Variants in DPP10 observed in about 807,000 individuals in gnomAD.
The protein encoded by DPP10 is inactive dipeptidyl peptidase 10.
Under a neutral mutation model 120.9 loss-of-function variants are expected in DPP10, and 33 were observed. The observed-to-expected ratio is 0.27, with a 90% CI of 0.21 to 0.37. The LOEUF is 0.37. Among genes scored for constraint, DPP10 ranks in the 10% least tolerant of loss-of-function variants. The pLI is 1.00. For missense variants in DPP10, 816 were observed against 942.8 expected (o/e 0.87, Z 1.76); for synonymous variants, 337 against 326.1 (o/e 1.03, Z -0.36).
intron 3 of DPP10, among the ~76,000 whole-genome samples, chr2:115,395,838 A>G (rs1160642146): frequency 6.6e-6 from 1 of 152,006 alleles, no homozygotes; most frequent in Non-Finnish European, 1.5e-5. Flanking sequence ...AATGGGAATG[A>G]CACATTATAT....
At chr2:115,792,518 G>A (rs1433454958) in intron 19 of DPP10, among the ~76,000 whole-genome samples, 1 of 151,826 alleles carries the variant, frequency 6.6e-6, no homozygotes, top group Non-Finnish European at 1.5e-5. Context: ...GCTTTATATA[G>A]TTTCTCATAT....
chr2:115,015,705 AT>A (rs1702584767), intron 1 of DPP10, among the ~76,000 whole-genome samples: 1 of 152,164 alleles, frequency 6.6e-6, no homozygotes, highest in South Asian at 2.1e-4. Flanking sequence ...TACACCAATA[AT>A]AGACATACAG....
chr2:115,107,422 CTTTTTTTTTTTTTTTT>C (rs59046305), intron 1 of DPP10, among the ~76,000 whole-genome samples: 3 of 59,852 alleles, frequency 5.0e-5, no homozygotes, highest in Admixed American at 2.8e-4. Flanking sequence ...TTGGTTATAG[CTTTTTTTTTTTTTTTT>C]TTTTTTTTTT....
intron 1 of DPP10, among the ~76,000 whole-genome samples, chr2:114,537,250 T>C (rs1686580697): frequency 6.6e-6 from 1 of 152,170 alleles, no homozygotes. Flanking sequence ...CCGTGAGATC[T>C]GAAGGATAGG....
chr2:114,625,513 A>T (rs1188288842), intron 1 of DPP10, among the ~76,000 whole-genome samples: 1 of 151,990 alleles, frequency 6.6e-6, no homozygotes, highest in East Asian at 1.9e-4. Flanking sequence ...TTTTAAGTTG[A>T]AGTACTTCTA....
chr2:115,357,826 T>A (rs2064501669), intron 3 of DPP10, among the ~76,000 whole-genome samples: 1 of 152,170 alleles, frequency 6.6e-6, no homozygotes, highest in African/African-American at 2.4e-5. Flanking sequence ...CAATTTTTGT[T>A]TTCTGTGCAC....
chr2:114,536,730 G>A (rs1686535179), intron 1 of DPP10, among the ~76,000 whole-genome samples: 1 of 152,038 alleles, frequency 6.6e-6, no homozygotes, highest in Non-Finnish European at 1.5e-5. Context: ...TTCATGAGCT[G>A]TTTAATTTCT....
chr2:115,789,768 C>T (rs1229630169), intron 17 of DPP10, among the ~76,000 whole-genome samples: 1 of 152,156 alleles, frequency 6.6e-6, no homozygotes, highest in African/African-American at 2.4e-5. Flanking sequence ...ATCATGGTTA[C>T]ATCTGTAGGC....
chr2:115,520,715 A>T (rs1210379746), intron 4 of DPP10, among the ~76,000 whole-genome samples: 1 of 152,148 alleles, frequency 6.6e-6, no homozygotes, highest in African/African-American at 2.4e-5. Context: ...GTCTTTTCTC[A>T]GTCTCAAGTC....
At chr2:115,444,763 G>A (rs1315206028) in intron 3 of DPP10, among the ~76,000 whole-genome samples, 2 of 152,166 alleles carry the variant, frequency 1.3e-5, no homozygotes, top group Admixed American at 1.3e-4. Flanking sequence ...TGGTAGGTTT[G>A]CAAACATATG....
chr2:115,452,628 C>T (rs989418932), intron 3 of DPP10, among the ~76,000 whole-genome samples: 1 of 151,914 alleles, frequency 6.6e-6, no homozygotes, highest in African/African-American at 2.4e-5. Flanking sequence ...TCTGACTTTT[C>T]CATAGATCTT....
At chr2:115,736,032 G>T (rs1465540318) in intron 8 of DPP10, among the ~76,000 whole-genome samples, 11 of 151,794 alleles carry the variant, frequency 7.2e-5, no homozygotes, top group Admixed American at 7.2e-4. Context: ...CTTTTTTTGG[G>T]GGAGTTGCAT....
At chr2:114,538,514 T>TA (rs1381767850) in intron 1 of DPP10, among the ~76,000 whole-genome samples, 7 of 152,166 alleles carry the variant, frequency 4.6e-5, no homozygotes, top group African/African-American at 1.7e-4. Context: ...GCTACCATTT[T>TA]CTTAGAATCT....
intron 1 of DPP10, among the ~76,000 whole-genome samples, chr2:114,946,588 G>A (rs1254207804): frequency 6.6e-6 from 1 of 152,038 alleles, no homozygotes; most frequent in Non-Finnish European, 1.5e-5. Flanking sequence ...TGTTAATGCA[G>A]TGAATTATGT....
intron 1 of DPP10, among the ~76,000 whole-genome samples, chr2:114,484,369 C>T (rs73946167): frequency 0.053 from 8,054 of 152,068 alleles, 681 homozygotes; most frequent in African/African-American, 0.18. Context: ...TTGACATTAC[C>T]GAGTTCTGAA....
chr2:115,731,132 G>A (rs1295541704), intron 8 of DPP10, among the ~76,000 whole-genome samples: 4 of 152,100 alleles, frequency 2.6e-5, no homozygotes, highest in Admixed American at 6.6e-5. Flanking sequence ...GGCCAAGGCC[G>A]GTGGATCATG....
chr2:114,796,112 G>A (rs570330398), intron 1 of DPP10, among the ~76,000 whole-genome samples: 1 of 152,220 alleles, frequency 6.6e-6, no homozygotes, highest in South Asian at 2.1e-4. Flanking sequence ...AAATTGCCTA[G>A]TACAGTAAAA....
chr2:114,975,010 A>T (rs1485734551), intron 1 of DPP10, among the ~76,000 whole-genome samples: 3 of 151,998 alleles, frequency 2.0e-5, no homozygotes, highest in Non-Finnish European at 4.4e-5. Flanking sequence ...TAAAACTGAC[A>T]GGTGAGATAG....
chr2:115,355,329 TC>T (rs2064302817), intron 3 of DPP10, among the ~76,000 whole-genome samples: 1 of 150,904 alleles, frequency 6.6e-6, no homozygotes, highest in Non-Finnish European at 1.5e-5. Context: ...GACCTTTTTT[TC>T]ATATGTTTGT....
Sources: allele counts gnomAD v4.1 joint callset (sites outside exome capture counted in the v4.1 genomes callset), GRCh38; gene constraint gnomAD v4.1.1; transcripts MANE v1.5; gene names NCBI Gene and HGNC (gene_info 2026-07-23, HGNC 2026-07-21).